CREB5: variants seen among roughly 807,000 people sequenced by gnomAD.
CREB5 encodes cyclic AMP-responsive element-binding protein 5.
A neutral mutation model predicts 57.1 loss-of-function variants in CREB5; 19 were observed. That is an observed-to-expected ratio of 0.33 (90% CI 0.23 to 0.49). The LOEUF (loss-of-function observed/expected upper bound fraction) is 0.49, where lower values mean the gene tolerates loss of function less well. Among genes scored for constraint, CREB5 ranks in the 20% least tolerant of loss-of-function variants. The probability of loss-of-function intolerance (pLI) is 0.99; values close to 1 mark genes in which losing one functional copy is unlikely to be tolerated. For missense variants in CREB5, 579 were observed against 671.6 expected (o/e 0.86, Z 1.52); for synonymous variants, 238 against 238.3 (o/e 1.00, Z 0.01).
chr7:28,444,385 T>A (rs759657678), intron 1 of CREB5, among the ~76,000 whole-genome samples: 8 of 152,104 alleles, frequency 5.3e-5, no homozygotes, highest in Non-Finnish European at 1.2e-4. Flanking sequence ...TTTCTCAACA[T>A]GGCCCAACTC....
At chr7:28,354,162 G>T (rs959930375) in intron 1 of CREB5, among the ~76,000 whole-genome samples, 10 of 152,144 alleles carry the variant, frequency 6.6e-5, no homozygotes, top group African/African-American at 2.2e-4. Flanking sequence ...GAAGGAAGGC[G>T]TGATGGTTAA....
At position 28,494,906 on chromosome 7, in the gene CREB5, C is replaced by T. The variant is rs754986749; in HGVS notation, c.76C>T (p.Arg26Cys). The T allele has an allele frequency of 3.2e-6, 5 of 1,577,058 alleles. No individual in the cohort carries two copies. Among genetic ancestry groups the T allele is most frequent in the Admixed American group, 2.0e-5 (1 of 49,246 alleles). The change falls in exon 3 of 11, where the codon CGC becomes TGC. Residue 26 changes from arginine (R) to cysteine (C), a missense_variant and splice_region_variant. Around this residue, in one of 3 missense-constraint regions of CREB5, gnomAD observed 459 missense variants for 515.7 expected, o/e 0.89. Coordinates refer to ENST00000357727, the MANE Select transcript of CREB5 (RefSeq NM_182898.4). ...CCCTTTTTTTTTATTCGTCCGACAG[C>T]GCTTCCCAACAGAGGACCATCTGAT... ...FVCSAPGCSQ[R>C]FPTEDHLMIH... is the part of the protein sequence containing the mutation.
chr7:28,765,336 C>A (rs777498110), intron 7 of CREB5, among the ~76,000 whole-genome samples: 1 of 152,166 alleles, frequency 6.6e-6, no homozygotes, highest in Non-Finnish European at 1.5e-5. Flanking sequence ...AAGTGTTTTA[C>A]CCTTGTACAA....
chr7:28,755,795 G>A (rs993494047), intron 7 of CREB5, among the ~76,000 whole-genome samples: 2 of 152,122 alleles, frequency 1.3e-5, no homozygotes, highest in Non-Finnish European at 2.9e-5. Context: ...TGAAATGAAT[G>A]CTGTGAACCA....
chr7:28,759,425 C>T (rs541394591), intron 7 of CREB5, among the ~76,000 whole-genome samples: 9 of 152,262 alleles, frequency 5.9e-5, no homozygotes, highest in Non-Finnish European at 8.8e-5. Context: ...ATTTGAAGAA[C>T]GCTGTCTCAG....
At chr7:28,343,037 T>C (rs1462504479) in intron 1 of CREB5, among the ~76,000 whole-genome samples, 1 of 151,764 alleles carries the variant, frequency 6.6e-6, no homozygotes, top group Admixed American at 6.6e-5. Flanking sequence ...GCCTCCCGGG[T>C]TCACACCATT....
At chr7:28,565,578 G>A (rs17156850) in intron 4 of CREB5, among the ~76,000 whole-genome samples, 2,494 of 152,264 alleles carry the variant, frequency 0.016, 94 homozygotes, top group African/African-American at 0.056. Flanking sequence ...CTGCTTCAAC[G>A]TAGGTATTCA....
chr7:28,764,288 A>G (rs925402767), intron 7 of CREB5, among the ~76,000 whole-genome samples: 1 of 152,104 alleles, frequency 6.6e-6, no homozygotes, highest in African/African-American at 2.4e-5. Context: ...TATAACATTA[A>G]CATTATAACA....
chr7:28,702,777 G>T (rs1432575753), intron 5 of CREB5, among the ~76,000 whole-genome samples: 1 of 152,202 alleles, frequency 6.6e-6, no homozygotes, highest in Non-Finnish European at 1.5e-5. Context: ...TAACTTTGTG[G>T]TTGCTAGATT....
intron 1 of CREB5, among the ~76,000 whole-genome samples, chr7:28,351,070 A>G (rs185590513): frequency 2.6e-4 from 39 of 152,336 alleles, no homozygotes; most frequent in Non-Finnish European, 4.7e-4. Flanking sequence ...AAGTAAATGC[A>G]TTCTAAAGAT....
chr7:28,414,010 T>A (rs997920519), intron 1 of CREB5, among the ~76,000 whole-genome samples: 2 of 152,184 alleles, frequency 1.3e-5, no homozygotes, highest in African/African-American at 4.8e-5. Context: ...CTTACTAAGC[T>A]AAAAATTATT....
rs550518094 is a variant in CREB5, at chr7:28,584,265, T to C, written c.464+13728T>C. Among the ~76,000 whole-genome samples the C allele has an allele frequency of 3.9e-5, 6 of 152,300 alleles. No individual in the cohort carries two copies. The South Asian group carries it at 1.2e-3, about 32-fold the overall frequency. ...TTCCTCTTTAATTATTGCATGTATG[T>C]TGTCATGATCTGAATTGTGTCCCCT... On this transcript the variant is annotated intron_variant, in intron 5 of 10. Transcript: ENST00000357727.
intron 2 of CREB5, among the ~76,000 whole-genome samples, chr7:28,490,055 A>T (rs560431540): frequency 6.6e-6 from 1 of 152,346 alleles, no homozygotes; most frequent in African/African-American, 2.4e-5. Flanking sequence ...TAATTTGAGC[A>T]GTTTGCTTTG....
chr7:28,713,699 C>T (rs145742062), intron 5 of CREB5, among the ~76,000 whole-genome samples: 2 of 152,070 alleles, frequency 1.3e-5, no homozygotes, highest in Non-Finnish European at 2.9e-5. Flanking sequence ...GTTTTCAAGT[C>T]CTGAAATCCG....
chr7:28,301,800 A>C (rs1785101813), intron 1 of CREB5, among the ~76,000 whole-genome samples: 2 of 152,212 alleles, frequency 1.3e-5, no homozygotes, highest in African/African-American at 4.8e-5. Context: ...TGCACAAGGC[A>C]TATTCATGTG....
At chr7:28,368,514 C>T (rs866907062) in intron 1 of CREB5, among the ~76,000 whole-genome samples, 15 of 152,190 alleles carry the variant, frequency 9.9e-5, no homozygotes, top group African/African-American at 3.4e-4. Context: ...GTCTTGCTAA[C>T]AGAACTCCAA....
chr7:28,579,140 A>G (rs1175137798), intron 5 of CREB5, among the ~76,000 whole-genome samples: 1 of 152,208 alleles, frequency 6.6e-6, no homozygotes, highest in Admixed American at 6.5e-5. Flanking sequence ...TTGTAAAAAG[A>G]AAGAATGAAA....
chr7:28,503,687 C>G (rs756899745), intron 3 of CREB5, among the ~76,000 whole-genome samples: 1 of 152,032 alleles, frequency 6.6e-6, no homozygotes, highest in African/African-American at 2.4e-5. Context: ...GCACGTTGAG[C>G]GATGTTTTCT....
chr7:28,599,754 G>GTTTTT (rs150609222), intron 5 of CREB5, among the ~76,000 whole-genome samples: 1 of 148,790 alleles, frequency 6.7e-6, no homozygotes, highest in Non-Finnish European at 1.5e-5. Context: ...GTTTTGTTTT[G>GTTTTT]TTTTTTTATT....
Sources: gnomAD v4.1 joint callset for allele counts (sites outside exome capture counted in the v4.1 genomes callset) on GRCh38, gnomAD v4.1.1 for gene constraint, gnomAD v4.1.1 regional missense constraint, MANE v1.5 for transcripts, NCBI Gene and HGNC (gene_info 2026-07-23, HGNC 2026-07-21) for gene names.